The following NPAS3 variants were observed in gnomAD, a reference collection of about 807,000 sequenced individuals.
NPAS3 encodes neuronal PAS domain-containing protein 3.
A neutral mutation model predicts 73.1 loss-of-function variants in NPAS3; 14 were observed. The observed-to-expected ratio is 0.19, with a 90% CI of 0.13 to 0.30. The LOEUF is 0.30. Among genes scored for constraint, NPAS3 ranks in the 10% least tolerant of loss-of-function variants. The pLI, the probability that NPAS3 is intolerant of heterozygous loss-of-function variation, is 1.00. For missense variants in NPAS3, 1,096 were observed against 1,250.0 expected, an observed-to-expected ratio of 0.88 and a Z score of 1.86; for synonymous variants, 620 against 541.5, an observed-to-expected ratio of 1.14 and a Z score of -2.01.
intron 2 of NPAS3, among the ~76,000 whole-genome samples, chr14:33,116,944 A>G (rs1336892039): frequency 6.6e-6 from 1 of 152,158 alleles, no homozygotes; most frequent in Non-Finnish European, 1.5e-5. Context: ...GTATTAATAA[A>G]TATTGATTTT....
intron 3 of NPAS3, among the ~76,000 whole-genome samples, chr14:33,290,279 T>C (rs1032429277): frequency 6.6e-6 from 1 of 152,160 alleles, no homozygotes; most frequent in African/African-American, 2.4e-5. Flanking sequence ...ATGCTTTTCA[T>C]TCCAGGATTG....
At chr14:33,749,349 G>A (rs538585157) in intron 7 of NPAS3, among the ~76,000 whole-genome samples, 2 of 152,266 alleles carry the variant, frequency 1.3e-5, no homozygotes, top group African/African-American at 4.8e-5. Context: ...ACCTAGGCCA[G>A]TGTTGTCTGA....
intron 3 of NPAS3, among the ~76,000 whole-genome samples, chr14:33,356,025 A>G (rs530924371): frequency 5.9e-5 from 9 of 152,208 alleles, no homozygotes; most frequent in Non-Finnish European, 1.3e-4. Flanking sequence ...TAGGCCCTCA[A>G]TGAATCTTTA....
intron 2 of NPAS3, among the ~76,000 whole-genome samples, chr14:33,072,025 A>G (rs1595378942): frequency 1.3e-5 from 2 of 152,018 alleles, no homozygotes; most frequent in Admixed American, 6.6e-5. Context: ...CCAGTAGCTG[A>G]GATTACAGAT....
intron 9 of NPAS3, among the ~76,000 whole-genome samples, chr14:33,790,264 G>A (rs2063318583): frequency 1.3e-5 from 2 of 152,178 alleles, no homozygotes; most frequent in East Asian, 1.9e-4. Context: ...TGTTATTCCC[G>A]CAAAAGGAAT....
chr14:33,748,167 T>C (rs1318355325), intron 7 of NPAS3, among the ~76,000 whole-genome samples: 1 of 152,218 alleles, frequency 6.6e-6, no homozygotes, highest in East Asian at 1.9e-4. Context: ...ACATATTTCT[T>C]CCTTGGGTCA....
At chr14:33,070,365 C>T (rs763788706) in intron 2 of NPAS3, among the ~76,000 whole-genome samples, 2 of 151,966 alleles carry the variant, frequency 1.3e-5, no homozygotes, top group African/African-American at 4.8e-5. Flanking sequence ...AAGAGCAGTG[C>T]ATTGCTACTG....
At chr14:33,280,819 G>A (rs974076969) in intron 3 of NPAS3, among the ~76,000 whole-genome samples, 1 of 152,160 alleles carries the variant, frequency 6.6e-6, no homozygotes, top group Non-Finnish European at 1.5e-5. Context: ...GGTTGGGGGT[G>A]AGTCACCACT....
chr14:33,633,651 C>G (rs2058438821), intron 5 of NPAS3, among the ~76,000 whole-genome samples: 1 of 152,262 alleles, frequency 6.6e-6, no homozygotes, highest in Non-Finnish European at 1.5e-5. Context: ...ATTATAATCT[C>G]TTGGGACTAC....
chr14:33,323,017 C>T (rs1340108145), intron 3 of NPAS3, among the ~76,000 whole-genome samples: 4 of 152,166 alleles, frequency 2.6e-5, no homozygotes, highest in Admixed American at 1.3e-4. Flanking sequence ...GTCACCATCA[C>T]TTCTCTCTAC....
intron 4 of NPAS3, among the ~76,000 whole-genome samples, chr14:33,544,798 A>ATATATATATATATATATATATATATATAT (rs1240190500): frequency 2.6e-5 from 2 of 75,586 alleles, no homozygotes; most frequent in African/African-American, 1.7e-4. Flanking sequence ...TTATATATAT[A>ATATATATATATATATATATATATATATAT]TATATATATA....
intron 1 of NPAS3, among the ~76,000 whole-genome samples, chr14:33,001,262 A>G (rs1221055286): frequency 1.3e-5 from 2 of 152,108 alleles, no homozygotes; most frequent in East Asian, 3.9e-4. Flanking sequence ...GGAGGTATAT[A>G]TGGGGCCAGC....
intron 5 of NPAS3, among the ~76,000 whole-genome samples, chr14:33,661,539 G>T (rs770962068): frequency 3.3e-5 from 5 of 152,108 alleles, no homozygotes; most frequent in Non-Finnish European, 5.9e-5. Context: ...ACTGTACAAT[G>T]AATATTACAA....
intron 5 of NPAS3, among the ~76,000 whole-genome samples, chr14:33,617,720 C>T (rs938058558): frequency 7.2e-5 from 11 of 152,094 alleles, no homozygotes; most frequent in Admixed American, 2.0e-4. Context: ...TAAATCACAG[C>T]GATCAAGGGC....
At chr14:33,243,301 A>G (rs756156648) in intron 3 of NPAS3, among the ~76,000 whole-genome samples, 11 of 152,168 alleles carry the variant, frequency 7.2e-5, no homozygotes, top group Non-Finnish European at 1.2e-4. Flanking sequence ...CTCTTTACAT[A>G]TAATCACTAT....
intron 2 of NPAS3, among the ~76,000 whole-genome samples, chr14:33,210,046 G>A (rs2046972437): frequency 6.6e-6 from 1 of 152,130 alleles, no homozygotes; most frequent in Non-Finnish European, 1.5e-5. Context: ...TGTACTCTGT[G>A]GCTACCTATT....
chr14:33,033,663 C>T (rs912187641), intron 1 of NPAS3, among the ~76,000 whole-genome samples: 2 of 152,116 alleles, frequency 1.3e-5, no homozygotes, highest in African/African-American at 4.8e-5. Context: ...ACCACTCTCT[C>T]TAAGAGCTGT....
chr14:33,351,085 C>G (rs1361987081), intron 3 of NPAS3, among the ~76,000 whole-genome samples: 2 of 152,198 alleles, frequency 1.3e-5, no homozygotes, highest in African/African-American at 4.8e-5. Context: ...TATATGGAGG[C>G]TTTGTTAAAA....
chr14:33,776,521 T>TAAAAAA lies in NPAS3; in HGVS notation c.1047-1910_1047-1905dup, dbSNP rs552348267. 8.4e-4 allele frequency among the ~76,000 whole-genome samples: 27 copies of TAAAAAA among 32,060 alleles called. 6 individuals are homozygous for TAAAAAA. The highest frequency in any genetic ancestry group is 4.5e-3 in the East Asian group (4 of 898). The allele number at this position is 32,060 out of a possible 152,430, so 21.0% of individuals were successfully genotyped here. Reference sequence around the variant, plus strand: ...CTGCTTTTGGCGTTTTTCTTCCTCTTAAAAAAAAAAAAAAAAAAAAAAAAA... The same window carrying TAAAAAA: ...CTGCTTTTGGCGTTTTTCTTCCTCTTAAAAAAAAAAAAAAAAAAAAAAAAAAAAAAA... On this transcript the variant is annotated intron_variant, in intron 8 of 11. Coordinates refer to ENST00000356141, the Ensembl canonical transcript of NPAS3.
Sources: gnomAD v4.1 joint callset for allele counts (sites outside exome capture counted in the v4.1 genomes callset) on GRCh38, gnomAD v4.1.1 for gene constraint, MANE v1.5 for transcripts, NCBI Gene and HGNC (gene_info 2026-07-23, HGNC 2026-07-21) for gene names.